ZNF804B: variants seen among roughly 807,000 people sequenced by gnomAD.
ZNF804B encodes zinc finger 804B.
Under a neutral mutation model 101.4 loss-of-function variants are expected in ZNF804B, and 80 were observed. The observed-to-expected ratio is 0.79, with a 90% CI of 0.66 to 0.95. ZNF804B has a LOEUF of 0.95. Among genes scored for constraint, ZNF804B ranks in the 40% least tolerant of loss-of-function variants. ZNF804B has a pLI of 0.00. For synonymous variants in ZNF804B, 622 were observed against 558.8 expected, an observed-to-expected ratio of 1.11 and a Z score of -1.59; for missense variants, 1,673 against 1,561.9, an observed-to-expected ratio of 1.07 and a Z score of -1.20.
At chr7:89,260,361 T>G (rs941138733) in intron 2 of ZNF804B, among the ~76,000 whole-genome samples, 36 of 152,002 alleles carry the variant, frequency 2.4e-4, no homozygotes, top group African/African-American at 8.5e-4. Flanking sequence ...TTTTTTTGAA[T>G]AAGGTACTTT....
intron 1 of ZNF804B, among the ~76,000 whole-genome samples, chr7:88,783,492 C>T (rs1022992471): frequency 6.6e-6 from 1 of 152,068 alleles, no homozygotes; most frequent in African/African-American, 2.4e-5. Flanking sequence ...TGTCTTCATC[C>T]ATAATATCTT....
intron 1 of ZNF804B, among the ~76,000 whole-genome samples, chr7:88,879,264 A>G (rs545115901): frequency 6.6e-6 from 1 of 152,270 alleles, no homozygotes; most frequent in South Asian, 2.1e-4. Context: ...TGTTTTACCC[A>G]TGCATCCTCA....
chr7:89,017,596 A>G (rs1326267945), intron 1 of ZNF804B, among the ~76,000 whole-genome samples: 1 of 152,144 alleles, frequency 6.6e-6, no homozygotes. Flanking sequence ...TTGAATCTGT[A>G]GATAGCTTTG....
chr7:89,114,421 GAAT>G (rs1424317644), intron 1 of ZNF804B, among the ~76,000 whole-genome samples: 1 of 152,134 alleles, frequency 6.6e-6, no homozygotes, highest in Non-Finnish European at 1.5e-5. Context: ...TCATTACTGA[GAAT>G]AATGACAATG....
intron 2 of ZNF804B, among the ~76,000 whole-genome samples, chr7:89,249,403 G>T (rs1167819651): frequency 6.6e-6 from 1 of 152,020 alleles, no homozygotes; most frequent in East Asian, 1.9e-4. Context: ...TTAACAAATT[G>T]TTCAAAAAAT....
At chr7:88,883,374 A>C (rs1193403217) in intron 1 of ZNF804B, among the ~76,000 whole-genome samples, 1 of 152,084 alleles carries the variant, frequency 6.6e-6, no homozygotes, top group Admixed American at 6.6e-5. Context: ...CTCTTTGTGC[A>C]TACAACTAGA....
At chr7:88,854,387 A>ATTTCTTTTTC (rs1791496998) in intron 1 of ZNF804B, among the ~76,000 whole-genome samples, 1 of 109,226 alleles carries the variant, frequency 9.2e-6, no homozygotes, top group Non-Finnish European at 1.9e-5. Context: ...TCTGTACTGC[A>ATTTCTTTTTC]TTTCTTTCTT....
intron 1 of ZNF804B, among the ~76,000 whole-genome samples, chr7:88,868,044 TGTGA>T (rs1327619658): frequency 3.2e-5 from 4 of 125,028 alleles, no homozygotes; most frequent in South Asian, 2.8e-4. Flanking sequence ...TGTGTGTGTG[TGTGA>T]GTGTGTGTGT....
At chr7:88,934,419 A>T (rs563993104) in intron 1 of ZNF804B, among the ~76,000 whole-genome samples, 11 of 152,184 alleles carry the variant, frequency 7.2e-5, no homozygotes, top group African/African-American at 1.9e-4. Context: ...AAAATGAAAA[A>T]CTTTCTGCAC....
chr7:88,885,997 C>G (rs554547502), intron 1 of ZNF804B, among the ~76,000 whole-genome samples: 2 of 151,942 alleles, frequency 1.3e-5, no homozygotes, highest in African/African-American at 4.8e-5. Context: ...GCTTTTGTAT[C>G]TATCTGTTCT....
intron 2 of ZNF804B, among the ~76,000 whole-genome samples, chr7:89,283,389 T>TA (rs1377894149): frequency 6.6e-6 from 1 of 152,114 alleles, no homozygotes; most frequent in Non-Finnish European, 1.5e-5. Flanking sequence ...ATGCTTGCAG[T>TA]AAAAAAACTA....
chr7:89,151,460 A>T (rs1022005535), intron 1 of ZNF804B, among the ~76,000 whole-genome samples: 23 of 152,074 alleles, frequency 1.5e-4, no homozygotes, highest in African/African-American at 5.6e-4. Context: ...ACCTGTAATC[A>T]CTTCATGACT....
rs565698898 is a variant in ZNF804B at position 89,229,042 on chromosome 7, C to T, written c.249+10747C>T. Among the ~76,000 whole-genome samples, 8 of 152,276 alleles carry T rather than the reference C, an allele frequency of 5.3e-5. No individual in the cohort carries two copies. The East Asian group carries it at 1.2e-3, about 22-fold the overall frequency. ...CCGAGTGTGGGGCCCGCGGAGCCCA[C>T]GCCCACCTGGAACTCGCGCTGGCAC... On this transcript the variant is annotated intron_variant, in intron 2 of 3. Coordinates refer to ENST00000333190, the MANE Select transcript of ZNF804B (RefSeq NM_181646.5).
At chr7:89,255,829 G>A (rs1238457689) in intron 2 of ZNF804B, among the ~76,000 whole-genome samples, 1 of 152,028 alleles carries the variant, frequency 6.6e-6, no homozygotes, top group Admixed American at 6.6e-5. Context: ...CAGAGAACTA[G>A]TATTCAGACC....
chr7:88,877,040 TATA>T, intron 1 of ZNF804B, among the ~76,000 whole-genome samples: 1 of 49,502 alleles, frequency 2.0e-5, no homozygotes, highest in Admixed American at 2.3e-4. Flanking sequence ...TATATATATA[TATA>T]TATATATTTT....
intron 1 of ZNF804B, among the ~76,000 whole-genome samples, chr7:89,205,521 A>G (rs1047845118): frequency 6.6e-5 from 10 of 152,322 alleles, no homozygotes; most frequent in Middle Eastern, 3.4e-3. Flanking sequence ...ATTGGAGAAA[A>G]CAAAGGGGGT....
At chr7:88,762,751 A>T (rs1394628264) in intron 1 of ZNF804B, among the ~76,000 whole-genome samples, 2 of 150,672 alleles carry the variant, frequency 1.3e-5, no homozygotes, top group South Asian at 2.1e-4. Context: ...ATTGACCTTT[A>T]CATCAATGAC....
chr7:88,833,482 T>C (rs2115788392), intron 1 of ZNF804B, among the ~76,000 whole-genome samples: 1 of 151,998 alleles, frequency 6.6e-6, no homozygotes, highest in East Asian at 1.9e-4. Flanking sequence ...AGTTACAATA[T>C]TAAGATGAAG....
At chr7:89,100,060 C>T (rs1790030772) in intron 1 of ZNF804B, among the ~76,000 whole-genome samples, 1 of 152,116 alleles carries the variant, frequency 6.6e-6, no homozygotes, top group Admixed American at 6.6e-5. Flanking sequence ...GTGTTTCAAA[C>T]ACATGTATTT....
Sources: allele counts gnomAD v4.1 joint callset (sites outside exome capture counted in the v4.1 genomes callset), GRCh38; gene constraint gnomAD v4.1.1; transcripts MANE v1.5; gene names NCBI Gene and HGNC (gene_info 2026-07-23, HGNC 2026-07-21).